The following ZNF331 variants were observed in gnomAD, a reference collection of about 807,000 sequenced individuals.
The protein encoded by ZNF331 is zinc finger protein 331.
A neutral mutation model predicts 7.0 loss-of-function variants in ZNF331; 2 were observed. The ratio of observed to expected loss-of-function variants is 0.29; its 90% CI spans 0.12 to 0.90. The LOEUF (loss-of-function observed/expected upper bound fraction) is 0.90. ZNF331 is among the 40% of genes least tolerant of loss of function. The pLI is 0.58. For missense variants in ZNF331, 432 were observed against 587.7 expected, an observed-to-expected ratio of 0.74 and a Z score of 2.74; for synonymous variants, 196 against 205.4, an observed-to-expected ratio of 0.95 and a Z score of 0.39.
chr19:53,575,647 C>T lies in ZNF331; in HGVS notation c.137-1050C>T, dbSNP rs552633249. Among the ~76,000 whole-genome samples the T allele has an allele frequency of 7.1e-5, 10 of 140,702 alleles. No homozygotes were observed. In the South Asian group the frequency reaches 1.6e-3, roughly 23 times the overall value. 92.3% of individuals were successfully genotyped at this position (140,702 alleles called of 152,430 possible). A position where few individuals can be genotyped will look rare whatever the true frequency, so the allele number is the denominator to read the frequency against. On this transcript the variant is annotated intron_variant, in intron 5 of 5. Coordinates refer to ENST00000449416, the MANE Select transcript of ZNF331 (RefSeq NM_001079906.2). ...CACCACCATGCCTGGCTAATTTTTG[C>T]GTTTTTAGTACAGACAGGGTTTGTT...
At position 53,580,126 on chromosome 19, in the gene ZNF331, G is replaced by C. The variant is rs1395630620; in HGVS notation, c.*2174G>C. 2 of 209,670 alleles carry C rather than the reference G, an allele frequency of 9.5e-6. No homozygotes were observed. Among genetic ancestry groups the C allele is most frequent in the Non-Finnish European group, 1.9e-5 (2 of 103,242 alleles). The allele number at this position is 209,670 out of a possible 1,614,324, so 13.0% of individuals were successfully genotyped here. ...GTCTCACCACAAAGAAGGAGGATAAGGGAGCGAGGTGATGGATATGTTAAT... is the reference window on the plus strand; with the variant it reads ...GTCTCACCACAAAGAAGGAGGATAACGGAGCGAGGTGATGGATATGTTAAT... On this transcript the variant is annotated 3_prime_UTR_variant, in exon 6 of 6. Transcript: ENST00000449416.
chr19:53,534,750 T>C (rs1416718109), upstream of ZNF331, among the ~76,000 whole-genome samples: 1 of 152,180 alleles, frequency 6.6e-6, no homozygotes, highest in Non-Finnish European at 1.5e-5. Flanking sequence ...TTCAGGGTAA[T>C]CTCCGTATCT....
intron 3 of ZNF331, among the ~76,000 whole-genome samples, chr19:53,556,959 C>G (rs546142996): frequency 5.5e-4 from 81 of 147,452 alleles, no homozygotes; most frequent in African/African-American, 2.0e-3. Context: ...GTGTGAGCCA[C>G]CACACCTGGC....
In ZNF331 at chr19:53,558,290, GAT is replaced by G. The variant is rs1450740876; in HGVS notation, c.-74+2385_-74+2386del. On this transcript the variant is annotated intron_variant, in intron 3 of 5. Transcript: ENST00000449416. This position sits in a 1 kb window ranked among gnomAD's most constrained non-coding sequence, Gnocchi z 4.5. The stretch of plus-strand genomic sequence containing the variant: ...ATACTAATGAACAGCCAGATGAAGA[GAT>G]ATGTAGGACTAGGGTTGGAAGAGTC... Among the ~76,000 whole-genome samples, 2 of 152,168 alleles carry G rather than the reference GAT, an allele frequency of 1.3e-5. No homozygotes were observed. The highest frequency in any genetic ancestry group is 4.1e-4 in the South Asian group (2 of 4,830).
chr19:53,515,834 T>G (rs1309111280), upstream of ZNF331, among the ~76,000 whole-genome samples: 1 of 152,168 alleles, frequency 6.6e-6, no homozygotes, highest in African/African-American at 2.4e-5. Context: ...AAACCCTTTC[T>G]GTCTCCATCT....
chr19:53,513,859 C>G, the ZNF331 span, among the ~76,000 whole-genome samples: 137 of 152,280 alleles, frequency 9.0e-4, 1 homozygote, highest in African/African-American at 3.2e-3. Flanking sequence ...ATCCACTATG[C>G]TTGGCCTTCC....
the ZNF331 span, among the ~76,000 whole-genome samples, chr19:53,506,196 G>A: frequency 2.1e-5 from 3 of 143,814 alleles, no homozygotes; most frequent in South Asian, 2.3e-4. Flanking sequence ...TTAGCCGGGC[G>A]TGGTGGCGGG....
At chr19:53,529,401 T>A (rs58057846) in intron 2 of ZNF331, among the ~76,000 whole-genome samples, 51,105 of 144,822 alleles carry the variant, frequency 0.35, 9,472 homozygotes, top group African/African-American at 0.5. Flanking sequence ...CTCTGTCTTT[T>A]AAAAAAAAAA....
At chr19:53,527,582 A>T (rs565332333) in intron 2 of ZNF331, among the ~76,000 whole-genome samples, 1 of 152,306 alleles carries the variant, frequency 6.6e-6, no homozygotes, top group African/African-American at 2.4e-5. Context: ...GTTAACAGGT[A>T]TGTGTCCTGT....
At chr19:53,546,154 AAAAAAAAT>A in intron 2 of ZNF331, among the ~76,000 whole-genome samples, 1 of 144,018 alleles carries the variant, frequency 6.9e-6, no homozygotes, top group African/African-American at 2.7e-5. Flanking sequence ...AAAAAAAAAA[AAAAAAAAT>A]TATTATTTAG....
At chr19:53,568,476 A>G (rs1041250917) in intron 3 of ZNF331, among the ~76,000 whole-genome samples, 1 of 152,160 alleles carries the variant, frequency 6.6e-6, no homozygotes, top group Non-Finnish European at 1.5e-5. Flanking sequence ...AACTGTCTAC[A>G]TGGTTAATCT....
At chr19:53,510,027 C>T in the ZNF331 span, among the ~76,000 whole-genome samples, 1 of 152,204 alleles carries the variant, frequency 6.6e-6, no homozygotes, top group Non-Finnish European at 1.5e-5. Context: ...CCCCATGATA[C>T]AATCACCTGC....
intron 2 of ZNF331, among the ~76,000 whole-genome samples, chr19:53,528,809 G>A (rs555320287): frequency 7.9e-5 from 12 of 151,038 alleles, no homozygotes; most frequent in Non-Finnish European, 1.5e-4. Context: ...TTCTGAGACA[G>A]AGTCTCGCTC....
intron 3 of ZNF331, among the ~76,000 whole-genome samples, chr19:53,561,687 T>C (rs1269672443): frequency 6.6e-6 from 1 of 152,046 alleles, no homozygotes; most frequent in African/African-American, 2.4e-5. Context: ...ACCTCATCTC[T>C]CCAAAAATTT....
In ZNF331 at chr19:53,579,718, T is replaced by C. The variant is rs2090857474; in HGVS notation, c.*1766T>C. The C allele has an allele frequency of 5.0e-6, 1 of 198,106 alleles. No homozygotes were observed. The highest frequency in any genetic ancestry group is 1.0e-5 in the Non-Finnish European group (1 of 95,844). 12.3% of individuals were successfully genotyped at this position (198,106 alleles called of 1,614,324 possible). A position where few individuals can be genotyped will look rare whatever the true frequency, so the allele number is the denominator to read the frequency against. On this transcript the variant is annotated 3_prime_UTR_variant, in exon 6 of 6. Transcript: ENST00000449416. ...CAGCCGTGGGTTACGCAATGATTTC[T>C]TAGTACACAAAACACAGCAAACATA...
chr19:53,553,121 A>G (rs78574358), intron 2 of ZNF331, among the ~76,000 whole-genome samples: 115 of 152,248 alleles, frequency 7.6e-4, no homozygotes, highest in African/African-American at 2.6e-3. Flanking sequence ...CACTATTAGT[A>G]AATGTATTTT....
rs1299319079 is a variant in ZNF331, at chr19:53,550,539, T to TTC, written c.-137-5305_-137-5304insCT. Among the ~76,000 whole-genome samples the TTC allele has an allele frequency of 1.2e-4, 16 of 135,410 alleles. No individual in the cohort carries two copies. In the Admixed American group the frequency reaches 1.2e-3, roughly 10 times the overall value. The allele number at this position is 135,410 out of a possible 152,430, so 88.8% of individuals were successfully genotyped here. On this transcript the variant is annotated intron_variant, in intron 2 of 5. Coordinates refer to ENST00000449416, the MANE Select transcript of ZNF331 (RefSeq NM_001079906.2). ...TAAAGTCTATTTTGTCTTTTTTTTTTTTTTTTTTTTTTTTTGAGTTAGAGT... is the reference window on the plus strand; with the variant it reads ...TAAAGTCTATTTTGTCTTTTTTTTTTTCTTTTTTTTTTTTTTTGAGTTAGAGT...
At chr19:53,519,155 G>C (rs1284521), upstream of ZNF331, among the ~76,000 whole-genome samples, 132,358 of 152,106 alleles carry the variant, frequency 0.87, 58,096 homozygotes, top group African/African-American at 0.97. Context: ...ATGTCATAAT[G>C]AAGGCCAAAA....
chr19:53,543,551 G>A (rs1394103121), intron 2 of ZNF331, among the ~76,000 whole-genome samples: 2 of 151,724 alleles, frequency 1.3e-5, no homozygotes, highest in Non-Finnish European at 2.9e-5. Flanking sequence ...ACAGGCATGA[G>A]CCACCACGCC....
Sources: allele counts gnomAD v4.1 joint callset (sites outside exome capture counted in the v4.1 genomes callset), GRCh38; gene constraint gnomAD v4.1.1; non-coding constraint Gnocchi (gnomAD v3.1); transcripts MANE v1.5; gene names NCBI Gene and HGNC (gene_info 2026-07-23, HGNC 2026-07-21).